The following THADA variants were observed in gnomAD, a reference collection of about 807,000 sequenced individuals.
The protein encoded by THADA is THADA armadillo repeat containing.
In THADA, 213 loss-of-function variants were observed where a neutral mutation model predicts 219.8. The ratio of observed to expected loss-of-function variants is 0.97; its 90% CI spans 0.87 to 1.09. THADA has a LOEUF of 1.09. Ranked by LOEUF, THADA falls within the 50% of genes least tolerant of loss-of-function variation. The probability of loss-of-function intolerance (pLI) is 0.00; values close to 1 mark genes in which losing one functional copy is unlikely to be tolerated. For missense variants in THADA, 2,956 were observed against 2,311.3 expected, an observed-to-expected ratio of 1.28 and a Z score of -5.72; for synonymous variants, 1,018 against 828.9, an observed-to-expected ratio of 1.23 and a Z score of -3.92.
At chr2:43,392,561 C>A (rs906500135) in intron 29 of THADA, among the ~76,000 whole-genome samples, 2 of 152,072 alleles carry the variant, frequency 1.3e-5, no homozygotes, top group Admixed American at 1.3e-4. Context: ...GGTTTTCTTC[C>A]CGTAAAGGTA....
rs545477221 is a variant in THADA at position 43,373,540 on chromosome 2, G to A, written c.4227+24431C>T. On this transcript the variant is annotated intron_variant, in intron 29 of 37. Transcript: ENST00000405975. ...TCCCAGGCTTGGAGTACAGTGGCACGATTTTGGCTCACTGCAACCTCCACC... is the reference window on the plus strand; with the variant it reads ...TCCCAGGCTTGGAGTACAGTGGCACAATTTTGGCTCACTGCAACCTCCACC... Among the ~76,000 whole-genome samples the A allele has an allele frequency of 2.6e-5, 4 of 151,884 alleles. No homozygotes were observed. The East Asian group carries it at 5.8e-4, about 22-fold the overall frequency.
chr2:43,346,183 G>A (rs1470548765), intron 29 of THADA, among the ~76,000 whole-genome samples: 1 of 151,988 alleles, frequency 6.6e-6, no homozygotes, highest in Non-Finnish European at 1.5e-5. Flanking sequence ...AGAGAAGACA[G>A]GGGAAAGAGA....
intron 22 of THADA, among the ~76,000 whole-genome samples, chr2:43,512,002 A>C (rs537666626): frequency 6.6e-6 from 1 of 152,228 alleles, no homozygotes. Flanking sequence ...GTATAACTGT[A>C]AACAGTGAAC....
chr2:43,542,036 A>C (rs1244940752), intron 20 of THADA, among the ~76,000 whole-genome samples: 1 of 152,208 alleles, frequency 6.6e-6, no homozygotes, highest in Non-Finnish European at 1.5e-5. Flanking sequence ...CTTTCAAAAT[A>C]TATTTAATTC....
rs943075659 is a variant in THADA at position 43,279,848 on chromosome 2, T to C, written c.5213A>G (p.Gln1738Arg). ...ATCTCTAACAGCTTGCTCCTCACTCTGCAGAAGGGTAAGGACACACTTCCA... is the reference window on the plus strand; with the variant it reads ...ATCTCTAACAGCTTGCTCCTCACTCCGCAGAAGGGTAAGGACACACTTCCA... ...ALWKCVLTLL[Q>R]SEEQAVRDAA... Residue 1738 changes from glutamine to arginine, a missense_variant, in exon 36 of 38, where the codon CAG becomes CGG. Coordinates refer to ENST00000405975, the MANE Select transcript of THADA (RefSeq NM_022065.5). 5 of 1,569,912 alleles carry C rather than the reference T, an allele frequency of 3.2e-6. No individual in the cohort carries two copies. The African/African-American group carries it at 5.4e-5, about 17-fold the overall frequency.
In THADA at chr2:43,548,050, A is replaced by G. The variant is rs532165169; in HGVS notation, c.3106+1160T>C. 1.2e-3 allele frequency among the ~76,000 whole-genome samples: 188 copies of G among 152,158 alleles called. 1 individual carries two copies. The highest frequency in any genetic ancestry group is 4.4e-3 in the African/African-American group (182 of 41,482). On this transcript the variant is annotated intron_variant, in intron 20 of 37. Transcript: ENST00000405975. Reference sequence around the variant, plus strand: ...ATGTACAGATGGGTTTTTGGTGTGGATGTCCTTTCTGTTTGTTAGTTTTCC... The same window carrying G: ...ATGTACAGATGGGTTTTTGGTGTGGGTGTCCTTTCTGTTTGTTAGTTTTCC...
At chr2:43,570,656 C>T in intron 13 of THADA, 146 bp from the exon 14 acceptor site, 1 of 880,246 alleles carries the variant, frequency 1.1e-6, no homozygotes, top group Non-Finnish European at 1.6e-6. Context: ...TTCTTTTTGA[C>T]AGAAAATAAT....
intron 30 of THADA, among the ~76,000 whole-genome samples, chr2:43,331,279 C>A (rs927993477): frequency 2.6e-5 from 4 of 152,220 alleles, no homozygotes; most frequent in African/African-American, 9.6e-5. Flanking sequence ...CAAGTGCATA[C>A]AGATATCTCT....
intron 35 of THADA, among the ~76,000 whole-genome samples, chr2:43,280,099 T>A (rs541267998): frequency 6.6e-4 from 101 of 152,226 alleles, no homozygotes; most frequent in African/African-American, 2.3e-3. Flanking sequence ...GGAAATGCCT[T>A]TTTTGGGGGT....
At chr2:43,416,526 C>G (rs756052809) in intron 28 of THADA, among the ~76,000 whole-genome samples, 6 of 152,180 alleles carry the variant, frequency 3.9e-5, no homozygotes, top group Admixed American at 3.9e-4. Context: ...CTGAGGCCTA[C>G]TACAGCCTAC....
intron 36 of THADA, among the ~76,000 whole-genome samples, chr2:43,235,600 CT>C (rs1296279036): frequency 2.0e-5 from 3 of 152,046 alleles, no homozygotes; most frequent in Admixed American, 6.6e-5. Flanking sequence ...CCTCCCACCA[CT>C]TTTTTTATGG....
In THADA at chr2:43,498,848, T is replaced by C. The variant is rs910469921; in HGVS notation, c.3729A>G (p.Thr1243=). The change falls in exon 25 of 38, where the codon ACA becomes ACG. Residue 1243 remains threonine, a synonymous_variant. Transcript: ENST00000405975. ...DGAKAAILGF[T]SPVWAVRNSS... ...CAGCACTTACTGCCCAGACCGGTGA[T>C]GTAAAACCCAGAATTGCAGCCTTAG... The C allele has an allele frequency of 1.2e-6, 2 of 1,613,004 alleles. No homozygotes were observed. The highest frequency in any genetic ancestry group is 1.7e-5 in the Admixed American group (1 of 59,894).
At chr2:43,474,271 G>A (rs1056789040) in intron 26 of THADA, among the ~76,000 whole-genome samples, 10 of 152,186 alleles carry the variant, frequency 6.6e-5, no homozygotes, top group African/African-American at 2.4e-4. Flanking sequence ...TAAAGAGGAT[G>A]TGTGTTTTAA....
intron 22 of THADA, 96 bp from the exon 23 acceptor site, chr2:43,508,876 A>G (rs1351438348): frequency 8.0e-7 from 1 of 1,244,838 alleles, no homozygotes; most frequent in African/African-American, 1.5e-5. Context: ...AATAATAAAT[A>G]TCCTTATATT....
intron 21 of THADA, among the ~76,000 whole-genome samples, chr2:43,535,444 C>T (rs1182313359): frequency 1.3e-5 from 2 of 150,858 alleles, no homozygotes; most frequent in African/African-American, 4.9e-5. Flanking sequence ...TTTGGGAGTC[C>T]ACGTCGGGCA....
At chr2:43,329,237 T>A (rs1455733951) in intron 30 of THADA, among the ~76,000 whole-genome samples, 1 of 152,238 alleles carries the variant, frequency 6.6e-6, no homozygotes. Context: ...AAACTTTTAT[T>A]GTACAGTTTG....
At chr2:43,502,420 A>G (rs1689108333) in intron 24 of THADA, among the ~76,000 whole-genome samples, 1 of 152,098 alleles carries the variant, frequency 6.6e-6, no homozygotes, top group South Asian at 2.1e-4. Context: ...CCTCGTCTCT[A>G]CTAAAAATAT....
intron 28 of THADA, among the ~76,000 whole-genome samples, chr2:43,420,738 A>G (rs747224939): frequency 2.6e-5 from 4 of 152,370 alleles, no homozygotes; most frequent in Admixed American, 6.5e-5. Flanking sequence ...CCAGGCCCCT[A>G]TCTAGGAACT....
intron 26 of THADA, among the ~76,000 whole-genome samples, chr2:43,432,580 A>T (rs780722130): frequency 2.0e-5 from 3 of 152,124 alleles, no homozygotes; most frequent in Non-Finnish European, 2.9e-5. Context: ...AACATGTCTA[A>T]CCATTTAGGA....
Sources: gnomAD v4.1 joint callset for allele counts (sites outside exome capture counted in the v4.1 genomes callset) on GRCh38, gnomAD v4.1.1 for gene constraint, MANE v1.5 for transcripts, NCBI Gene and HGNC (gene_info 2026-07-23, HGNC 2026-07-21) for gene names.